Variants in BMPR2 observed in about 807,000 individuals in gnomAD.
The protein encoded by BMPR2 is bone morphogenetic protein receptor type 2.
A neutral mutation model predicts 100.8 loss-of-function variants in BMPR2; 29 were observed. The observed-to-expected ratio is 0.29, with a 90% CI of 0.21 to 0.39. The LOEUF is 0.39. Ranked by LOEUF, BMPR2 falls within the 10% of genes least tolerant of loss-of-function variation. BMPR2 has a pLI of 1.00. For synonymous variants in BMPR2, 382 were observed against 442.3 expected (o/e 0.86, Z 1.71); for missense variants, 1,011 against 1,274.5 (o/e 0.79, Z 3.15).
intron 10 of BMPR2, among the ~76,000 whole-genome samples, chr2:202,549,637 T>C (rs7591284): frequency 0.037 from 5,608 of 151,676 alleles, 362 homozygotes; most frequent in African/African-American, 0.13. Flanking sequence ...TAATCCCAGT[T>C]ACTCGGGATT....
chr2:202,451,731 G>A (rs1327041216), intron 1 of BMPR2, among the ~76,000 whole-genome samples: 2 of 151,994 alleles, frequency 1.3e-5, no homozygotes, highest in African/African-American at 2.4e-5. Flanking sequence ...AATTTGATGA[G>A]TTTTTGTTTT....
chr2:202,518,516 A>G (rs1003158095), intron 5 of BMPR2, among the ~76,000 whole-genome samples: 5 of 152,174 alleles, frequency 3.3e-5, no homozygotes, highest in African/African-American at 1.2e-4. Context: ...AAGTCATAAA[A>G]ATGGGTAGCT....
intron 1 of BMPR2, among the ~76,000 whole-genome samples, chr2:202,420,549 T>A (rs1397294430): frequency 8.7e-5 from 12 of 137,924 alleles, no homozygotes; most frequent in Middle Eastern, 3.2e-3. Flanking sequence ...TTTTTTTTTT[T>A]TTTTTTTTTT....
In BMPR2 at chr2:202,561,563, G is replaced by A. The variant is rs1029334414; in HGVS notation, c.*1617G>A. The A allele has an allele frequency of 6.7e-5, 10 of 149,622 alleles. No individual in the cohort carries two copies. The highest frequency in any genetic ancestry group is 1.3e-4 in the Non-Finnish European group (9 of 67,460). The allele number at this position is 149,622 out of a possible 1,614,324, so 9.3% of individuals were successfully genotyped here. A position where few individuals can be genotyped will look rare whatever the true frequency, so the allele number is the denominator to read the frequency against. ...TTTCACTTTTTTTTACTTTTTTTTC[G>A]ATTATCAGAGTACTTAGTAAATGTT... is the stretch of plus-strand genomic sequence containing the variant. On this transcript the variant is annotated 3_prime_UTR_variant, in exon 13 of 13. Coordinates refer to ENST00000374580, the MANE Select transcript of BMPR2 (RefSeq NM_001204.7).
chr2:202,406,188 T>C (rs566572845), intron 1 of BMPR2, among the ~76,000 whole-genome samples: 1 of 152,340 alleles, frequency 6.6e-6, no homozygotes, highest in East Asian at 1.9e-4. Flanking sequence ...TTGATTAATA[T>C]AGGCAAGTAA....
rs1483799887 is a variant in BMPR2 at position 202,564,765 on chromosome 2, A to C, written c.*4819A>C. 6.6e-6 allele frequency: 1 copy of C among 152,196 alleles called. No homozygotes were observed. Among genetic ancestry groups the C allele is most frequent in the African/African-American group, 2.4e-5 (1 of 41,468 alleles). 9.4% of individuals were successfully genotyped at this position (152,196 alleles called of 1,614,324 possible). A position where few individuals can be genotyped will look rare whatever the true frequency, so the allele number is the denominator to read the frequency against. The stretch of plus-strand genomic sequence containing the variant: ...ACTTTCCTTAAATCACCTCATAGTT[A>C]GGCTGGGCGCGGTGGCTCACGCCTG... On this transcript the variant is annotated 3_prime_UTR_variant, in exon 13 of 13. Transcript: ENST00000374580.
intron 1 of BMPR2, among the ~76,000 whole-genome samples, chr2:202,425,400 G>T (rs1691365706): frequency 6.6e-6 from 1 of 152,184 alleles, no homozygotes; most frequent in African/African-American, 2.4e-5. Flanking sequence ...CTTGGCATTT[G>T]TCTTATTTGA....
rs781642759 is a variant in BMPR2, at chr2:202,555,319, A to C, written c.1654A>C (p.Ile552Leu). The C allele has an allele frequency of 6.2e-7, 1 of 1,614,160 alleles. No homozygotes were observed. Among genetic ancestry groups the C allele is most frequent in the Non-Finnish European group, 8.5e-7 (1 of 1,180,014 alleles). The part of the protein sequence containing the change: ...PYPDYSSSSY[I>L]EDSIHHTDSI... ...TCCAGATTATTCTTCCTCCTCATAC[A>C]TTGAAGACTCTATCCATCATACTGA... The change falls in exon 12 of 13, where the codon ATT becomes CTT. Residue 552 changes from isoleucine to leucine, a missense_variant. Physicochemically the swap from Ile to Leu is conservative, Grantham distance 5. This residue lies in a region of BMPR2 where 508 missense variants were observed against 552.0 expected (regional missense o/e 0.92). Coordinates refer to ENST00000374580, the MANE Select transcript of BMPR2 (RefSeq NM_001204.7).
Position 202,398,996 on chromosome 2 carries a change from C to T in BMPR2, c.76+21446C>T, listed in dbSNP as rs181895508. 2.9e-3 allele frequency among the ~76,000 whole-genome samples: 448 copies of T among 152,194 alleles called. 2 individuals are homozygous for T. Among genetic ancestry groups the T allele is most frequent in the African/African-American group, 0.01 (435 of 41,518 alleles). Reference sequence around the variant, plus strand: ...ATACAAAATTAGCTGGCCATGGTGGCGCATGCCTGTAACCCTAGCTACTCG... The same window carrying T: ...ATACAAAATTAGCTGGCCATGGTGGTGCATGCCTGTAACCCTAGCTACTCG... On this transcript the variant is annotated intron_variant, in intron 1 of 12. Transcript: ENST00000374580.
chr2:202,475,983 A>G (rs774417102), intron 3 of BMPR2, among the ~76,000 whole-genome samples: 18 of 149,620 alleles, frequency 1.2e-4, no homozygotes, highest in Non-Finnish European at 2.4e-4. Flanking sequence ...CCAAGGCAGG[A>G]GAATCGCTTG....
chr2:202,530,210 A>T (rs939132977), intron 7 of BMPR2, among the ~76,000 whole-genome samples: 2 of 152,172 alleles, frequency 1.3e-5, no homozygotes, highest in African/African-American at 4.8e-5. Context: ...CAGAAAAACA[A>T]GTTTTCATAT....
chr2:202,467,890 A>C (rs933810766), intron 3 of BMPR2, among the ~76,000 whole-genome samples: 5 of 151,932 alleles, frequency 3.3e-5, no homozygotes, highest in African/African-American at 4.8e-5. Context: ...CTCTGCCAAA[A>C]GTAAAAAATT....
chr2:202,405,203 G>A (rs953632851), intron 1 of BMPR2, among the ~76,000 whole-genome samples: 3 of 152,020 alleles, frequency 2.0e-5, no homozygotes, highest in Non-Finnish European at 4.4e-5. Flanking sequence ...ATGAAGTTTT[G>A]TGGTCCTGAA....
At chr2:202,404,005 CAAA>C (rs536716050) in intron 1 of BMPR2, among the ~76,000 whole-genome samples, 12 of 93,684 alleles carry the variant, frequency 1.3e-4, no homozygotes, top group Admixed American at 4.2e-4. Context: ...AACTCCGTCT[CAAA>C]AAAAAAAAAA....
At chr2:202,504,556 C>T (rs1687480600) in intron 3 of BMPR2, among the ~76,000 whole-genome samples, 2 of 152,042 alleles carry the variant, frequency 1.3e-5, no homozygotes, top group African/African-American at 2.4e-5. Flanking sequence ...ACACTCACTG[C>T]GAGGGTCCGT....
chr2:202,543,695 G>A (rs983871602), intron 10 of BMPR2, among the ~76,000 whole-genome samples: 15 of 151,534 alleles, frequency 9.9e-5, no homozygotes, highest in South Asian at 4.2e-4. Context: ...GTTATCTCTC[G>A]TTTACTTTCT....
At position 202,563,736 on chromosome 2, in the gene BMPR2, AAATT is replaced by A. The variant is rs1688712294; in HGVS notation, c.*3791_*3794del. On this transcript the variant is annotated 3_prime_UTR_variant, in exon 13 of 13. Coordinates refer to ENST00000374580, the MANE Select transcript of BMPR2 (RefSeq NM_001204.7). ...GCTTTGGGAACAGAGACCTTTCCCT[AAATT>A]GATTCCATAGCAGATTTGGGGGAAT... 1 of 152,036 alleles carries A rather than the reference AAATT, an allele frequency of 6.6e-6. No homozygotes were observed. Among genetic ancestry groups the A allele is most frequent in the South Asian group, 2.1e-4 (1 of 4,820 alleles). 9.4% of individuals were successfully genotyped at this position (152,036 alleles called of 1,614,324 possible).
At chr2:202,422,128 C>G (rs1166852298) in intron 1 of BMPR2, among the ~76,000 whole-genome samples, 1 of 152,058 alleles carries the variant, frequency 6.6e-6, no homozygotes, top group African/African-American at 2.4e-5. Context: ...AGGCTGGTCT[C>G]GATCTCCTGA....
intron 9 of BMPR2, among the ~76,000 whole-genome samples, chr2:202,538,687 G>T (rs541111024): frequency 3.3e-5 from 5 of 151,448 alleles, no homozygotes; most frequent in African/African-American, 1.2e-4. Flanking sequence ...CCAGCTACTC[G>T]GGAGGCTGAG....
Sources: gnomAD v4.1 joint callset for allele counts (sites outside exome capture counted in the v4.1 genomes callset) on GRCh38, gnomAD v4.1.1 for gene constraint, gnomAD v4.1.1 regional missense constraint, MANE v1.5 for transcripts, NCBI Gene and HGNC (gene_info 2026-07-23, HGNC 2026-07-21) for gene names.